BLNK: variants seen among roughly 807,000 people sequenced by gnomAD.
The protein encoded by BLNK is B cell linker.
BLNK carries 29 observed loss-of-function variants against 73.5 expected under a neutral mutation model. The observed-to-expected ratio is 0.39, with a 90% CI of 0.29 to 0.54. BLNK has a LOEUF of 0.54. Among genes scored for constraint, BLNK ranks in the 20% least tolerant of loss-of-function variants. The pLI, the probability that BLNK is intolerant of heterozygous loss-of-function variation, is 0.61. For missense variants in BLNK, 460 were observed against 562.8 expected (o/e 0.82, Z 1.85); for synonymous variants, 176 against 200.8 (o/e 0.88, Z 1.04).
chr10:96,218,695 AAG>A (rs1345613026), intron 6 of BLNK, among the ~76,000 whole-genome samples: 3 of 151,544 alleles, frequency 2.0e-5, no homozygotes, highest in Non-Finnish European at 4.4e-5. Context: ...AAAAAAAAAA[AAG>A]TGGTAGATCC....
chr10:96,209,698 G>C, intron 9 of BLNK, 140 bp downstream of exon 9: 1 of 1,059,944 alleles, frequency 9.4e-7, no homozygotes, highest in Non-Finnish European at 1.5e-6. Context: ...TGGCTCATTT[G>C]ATGTTAGCAG....
chr10:96,254,263 G>A (rs1554910259), intron 1 of BLNK, among the ~76,000 whole-genome samples: 1 of 152,140 alleles, frequency 6.6e-6, no homozygotes, highest in African/African-American at 2.4e-5. Context: ...AAAGACACTG[G>A]CAATGGAATT....
intron 15 of BLNK, among the ~76,000 whole-genome samples, chr10:96,198,041 T>G (rs2083520876): frequency 6.6e-6 from 1 of 151,268 alleles, no homozygotes; most frequent in Admixed American, 6.6e-5. Flanking sequence ...GAACAAAAGA[T>G]GGACAAAAAG....
intron 1 of BLNK, among the ~76,000 whole-genome samples, chr10:96,270,085 A>G (rs1234725603): frequency 2.6e-5 from 4 of 152,178 alleles, no homozygotes; most frequent in African/African-American, 9.7e-5. Flanking sequence ...ATTTGAGACC[A>G]AGGGCAAGAA....
chr10:96,234,461 T>C (rs1369831738), intron 3 of BLNK, among the ~76,000 whole-genome samples: 1 of 152,198 alleles, frequency 6.6e-6, no homozygotes, highest in Admixed American at 6.5e-5. Flanking sequence ...CTTCCCAAAG[T>C]GCACAGGTGG....
At chr10:96,223,561 A>G (rs2084250557) in intron 6 of BLNK, among the ~76,000 whole-genome samples, 1 of 152,234 alleles carries the variant, frequency 6.6e-6, no homozygotes, top group African/African-American at 2.4e-5. Flanking sequence ...AGAGATTCAC[A>G]GGAAACCCCA....
intron 16 of BLNK, 28 bp from the exon 17 acceptor site, chr10:96,192,120 T>C (rs782686069): frequency 6.2e-7 from 1 of 1,612,668 alleles, no homozygotes; most frequent in South Asian, 1.1e-5. Context: ...AGATGAATTA[T>C]ACTTTGGCAT....
At chr10:96,262,100 T>C (rs1843782708) in intron 1 of BLNK, among the ~76,000 whole-genome samples, 1 of 152,210 alleles carries the variant, frequency 6.6e-6, no homozygotes, top group Non-Finnish European at 1.5e-5. Flanking sequence ...ATGATCCATT[T>C]ATCCAGCTAG....
intron 7 of BLNK, chr10:96,216,329 C>G (rs2084064366): frequency 5.8e-6 from 2 of 346,680 alleles, no homozygotes; most frequent in East Asian, 1.2e-4. Flanking sequence ...AACATGGTGG[C>G]TTGTGACATT....
At chr10:96,192,150 C>G in intron 16 of BLNK, 58 bp from the exon 17 acceptor site, 1 of 1,600,450 alleles carries the variant, frequency 6.2e-7, no homozygotes, top group East Asian at 2.2e-5. Context: ...ATTTGAGCTC[C>G]ACTCCTCCCA....
rs587715469 is a variant in BLNK at position 96,190,333 on chromosome 10, C to G, written c.*1640G>C. 1 of 563,500 alleles carries G rather than the reference C, an allele frequency of 1.8e-6. No individual in the cohort carries two copies. Among genetic ancestry groups the G allele is most frequent in the South Asian group, 1.9e-5 (1 of 53,244 alleles). The allele number at this position is 563,500 out of a possible 1,614,324, so 34.9% of individuals were successfully genotyped here. ...CGCCAGTAGTATTGTTCCTGTGTGT[C>G]TCTTCATATAGTCTTCTCTCTGTGC... On this transcript the variant is annotated 3_prime_UTR_variant, in exon 17 of 17. Transcript: ENST00000224337.
chr10:96,269,394 T>G (rs1030745666), intron 1 of BLNK, among the ~76,000 whole-genome samples: 2 of 151,592 alleles, frequency 1.3e-5, no homozygotes, highest in East Asian at 3.9e-4. Context: ...TTCTGTATAG[T>G]TCTACATTAT....
chr10:96,198,180 T>C (rs2083525047), intron 15 of BLNK, among the ~76,000 whole-genome samples: 1 of 151,780 alleles, frequency 6.6e-6, no homozygotes, highest in South Asian at 2.1e-4. Context: ...ATTTAAGAAA[T>C]GACACTTGAA....
At chr10:96,253,154 C>G (rs1554909707) in intron 1 of BLNK, among the ~76,000 whole-genome samples, 1 of 152,174 alleles carries the variant, frequency 6.6e-6, no homozygotes, top group Non-Finnish European at 1.5e-5. Flanking sequence ...CAACTAAGAT[C>G]ACTCTTGACA....
At chr10:96,234,745 GATTCTAATT>G (rs1842635841) in intron 3 of BLNK, among the ~76,000 whole-genome samples, 2 of 152,158 alleles carry the variant, frequency 1.3e-5, no homozygotes, top group African/African-American at 2.4e-5. Flanking sequence ...AAACACCACT[GATTCTAATT>G]TACTCCCACG....
chr10:96,235,349 T>C (rs1842655057), intron 3 of BLNK, among the ~76,000 whole-genome samples: 1 of 152,200 alleles, frequency 6.6e-6, no homozygotes, highest in Non-Finnish European at 1.5e-5. Context: ...TCTGCAATTC[T>C]CAGAACAATC....
Position 96,252,155 on chromosome 10 carries a change from G to A in BLNK, c.48-5106C>T, listed in dbSNP as rs541811390. The stretch of plus-strand genomic sequence containing the variant: ...CAACCTCTGCCTCCCAGATTCAAGC[G>A]ATTCTCCTGCCTCAGCCTCCCGAGT... On this transcript the variant is annotated intron_variant, in intron 1 of 16. Coordinates refer to ENST00000224337, the MANE Select transcript of BLNK (RefSeq NM_013314.4). Among the ~76,000 whole-genome samples the A allele has an allele frequency of 2.6e-5, 4 of 152,226 alleles. No homozygotes were observed. In the East Asian group the frequency reaches 5.8e-4, roughly 22 times the overall value.
chr10:96,258,200 G>A (rs919856010), intron 1 of BLNK, among the ~76,000 whole-genome samples: 1 of 152,180 alleles, frequency 6.6e-6, no homozygotes, highest in Admixed American at 6.5e-5. Context: ...TTCCTTCTGG[G>A]GAGTGAGCTC....
At chr10:96,245,036 G>A (rs1842998897) in intron 2 of BLNK, among the ~76,000 whole-genome samples, 1 of 151,992 alleles carries the variant, frequency 6.6e-6, no homozygotes, top group Non-Finnish European at 1.5e-5. Flanking sequence ...TCTATCTGTA[G>A]CAGAAATAAT....
Sources: allele counts gnomAD v4.1 joint callset (sites outside exome capture counted in the v4.1 genomes callset), GRCh38; gene constraint gnomAD v4.1.1; transcripts MANE v1.5; gene names NCBI Gene and HGNC (gene_info 2026-07-23, HGNC 2026-07-21).